KDM5C: variants seen among roughly 807,000 people sequenced by gnomAD.
KDM5C encodes lysine-specific demethylase 5C.
Under a neutral mutation model 110.6 loss-of-function variants are expected in KDM5C, and 16 were observed. The observed-to-expected ratio is 0.14, with a 90% CI of 0.10 to 0.22. The LOEUF (loss-of-function observed/expected upper bound fraction) is 0.22, where lower values mean the gene tolerates loss of function less well. Ranked by LOEUF, KDM5C falls within the 10% of genes least tolerant of loss-of-function variation. KDM5C has a pLI of 1.00. For synonymous variants in KDM5C, 511 were observed against 520.4 expected, an observed-to-expected ratio of 0.98 and a Z score of 0.24; for missense variants, 681 against 1,300.9, an observed-to-expected ratio of 0.52 and a Z score of 7.33.
Position 53,224,812 on chromosome X carries a change from G to A in KDM5C, c.78C>T (p.Asp26=). Residue 26 remains aspartate (D), a synonymous_variant, in exon 1 of 26, where the codon GAC becomes GAT. Transcript: ENST00000375401. ...TGATTTTCGCGATGTAGCCAAGAGGGTCTCGGAACTCGGCCCAGCTAGGCT... is the reference window on the plus strand; with the variant it reads ...TGATTTTCGCGATGTAGCCAAGAGGATCTCGGAACTCGGCCCAGCTAGGCT... ...VFEPSWAEFR[D]PLGYIAKIRP... is the part of the protein sequence containing the mutation. 1 of 1,211,598 alleles carries A rather than the reference G, an allele frequency of 8.3e-7. No homozygotes were observed. The highest frequency in any genetic ancestry group is 1.8e-5 in the South Asian group (1 of 56,979).
intron 25 of KDM5C, among the ~76,000 whole-genome samples, chrX:53,181,937 C>T (rs1233556325): frequency 9.2e-6 from 1 of 109,085 alleles, no homozygotes; most frequent in Non-Finnish European, 1.9e-5. Context: ...TACAGGCGCC[C>T]ACCACCACAC....
In KDM5C at chrX:53,192,873, GCCCACCCC is replaced by G; in HGVS notation, c.*86_*93del. 1 of 230,665 alleles carries G rather than the reference GCCCACCCC, an allele frequency of 4.3e-6. No individual in the cohort carries two copies. Among genetic ancestry groups the G allele is most frequent in the Non-Finnish European group, 6.3e-6 (1 of 159,364 alleles). The allele number at this position is 230,665 out of a possible 1,213,427, so 19.0% of individuals were successfully genotyped here. Reference sequence around the variant, plus strand: ...AGCAGGGATGGCCACCCCCCTACCCGCCCACCCCCCAAGAAGCAGGCTTGATGGTCAGA... The same window carrying G: ...AGCAGGGATGGCCACCCCCCTACCCGCCAAGAAGCAGGCTTGATGGTCAGA... On this transcript the variant is annotated 3_prime_UTR_variant, in exon 26 of 26. Transcript: ENST00000375401.
chrX:53,214,788 C>T lies in KDM5C; in HGVS notation c.1023G>A (p.Leu341=), dbSNP rs782365818. 36 of 1,210,361 alleles carry T rather than the reference C, an allele frequency of 3.0e-5. No homozygotes were observed. The highest frequency in any genetic ancestry group is 3.7e-5 in the Non-Finnish European group (33 of 895,196). Reference sequence around the variant, plus strand: ...GGTAGTTGTCATCACAGCCATCACACAGCAGGAGCTTGTCATCCTCATCCC... The same window carrying T: ...GGTAGTTGTCATCACAGCCATCACATAGCAGGAGCTTGTCATCCTCATCCC... The part of the protein sequence containing the change: ...SRGDEDDKLL[L]CDGCDDNYHI... The change falls in exon 8 of 26, where the codon CTG becomes CTA. Residue 341 remains leucine, a synonymous_variant. Transcript: ENST00000375401.
In KDM5C at chrX:53,194,215, G is replaced by A. The variant is rs782793591; in HGVS notation, c.3962C>T (p.Pro1321Leu). Residue 1321 changes from proline (P) to leucine (L), a missense_variant, in exon 23 of 26, where the codon CCT becomes CTT. Physicochemically the swap from Pro to Leu is moderately conservative, Grantham distance 98. This residue lies in a region of KDM5C where 88 missense variants were observed against 85.6 expected (regional missense o/e 1.03). Transcript: ENST00000375401. ...LRQRLQAEPR[P>L]EEPPNYPAAP... ...TGCAGGGTAGTTAGGAGGCTCCTCA[G>A]GTCTAGGTTCAGCCTGTAGCCGTTG... The A allele has an allele frequency of 6.6e-6, 8 of 1,210,344 alleles. No homozygotes were observed. Among genetic ancestry groups the A allele is most frequent in the Non-Finnish European group, 8.9e-6 (8 of 895,015 alleles).
chrX:53,214,761 G>A lies in KDM5C; in HGVS notation c.1050C>T (p.His350=), dbSNP rs1569277258. The change falls in exon 8 of 26, where the codon CAC becomes CAT. Residue 350 remains histidine (H), a synonymous_variant. Coordinates refer to ENST00000375401, the MANE Select transcript of KDM5C (RefSeq NM_004187.5). ...LLCDGCDDNY[H]IFCLLPPLPE... is the part of the protein sequence containing the mutation. ...GCAGAGGAGGCAGCAGGCAGAAGAT[G>A]TGGTAGTTGTCATCACAGCCATCAC... The A allele has an allele frequency of 1.7e-6, 2 of 1,211,740 alleles. No homozygotes were observed. The highest frequency in any genetic ancestry group is 2.2e-6 in the Non-Finnish European group (2 of 895,323).
In KDM5C at chrX:53,206,863, CAAAAAAAAAAAA is replaced by C. The variant is rs58880985; in HGVS notation, c.1746+3539_1746+3550del. Reference sequence around the variant, plus strand: ...AGGGCAACAGAGCAAGATTCCTTCTCAAAAAAAAAAAAAAAAAAAAAAAAAAAAAAATCAAGC... The same window carrying C: ...AGGGCAACAGAGCAAGATTCCTTCTCAAAAAAAAAAAAAAAAAAATCAAGC... On this transcript the variant is annotated intron_variant, in intron 12 of 25. Coordinates refer to ENST00000375401, the MANE Select transcript of KDM5C (RefSeq NM_004187.5). Among the ~76,000 whole-genome samples the C allele has an allele frequency of 6.7e-4, 15 of 22,344 alleles. No homozygotes were observed. In the East Asian group the frequency reaches 9.4e-3, roughly 14 times the overall value. The allele number at this position is 22,344 out of a possible 115,157, so 19.4% of individuals were successfully genotyped here. A position where few individuals can be genotyped will look rare whatever the true frequency, so the allele number is the denominator to read the frequency against.
intron 25 of KDM5C, among the ~76,000 whole-genome samples, chrX:53,184,461 C>T (rs940116404): frequency 1.5e-4 from 17 of 110,982 alleles, no homozygotes; most frequent in Non-Finnish European, 3.0e-4. Flanking sequence ...AAGCTGGTCT[C>T]GAACTCCTGG....
At chrX:53,178,441 A>G (rs1274751164) in intron 25 of KDM5C, among the ~76,000 whole-genome samples, 1 of 112,296 alleles carries the variant, frequency 8.9e-6, no homozygotes, top group African/African-American at 3.2e-5. Flanking sequence ...AATAGGTAGC[A>G]TATTTTGACC....
chrX:53,224,874 C>T lies in KDM5C; in HGVS notation c.16G>A (p.Asp6Asn), dbSNP rs782331583. The stretch of plus-strand genomic sequence containing the variant: ...CACTCCGGTGGCGGTAGGAAATCGT[C>T]GGACCCCGGCTCCATGGTGGGCCCG... The part of the protein sequence containing the change: MEPGS[D>N]DFLPPPECPV... Residue 6 changes from aspartate to asparagine, a missense_variant, in exon 1 of 26, where the codon GAC becomes AAC. Transcript: ENST00000375401. 2 of 1,207,209 alleles carry T rather than the reference C, an allele frequency of 1.7e-6. No individual in the cohort carries two copies. Among genetic ancestry groups the T allele is most frequent in the Admixed American group, 4.4e-5 (2 of 45,912 alleles).
intron 14 of KDM5C, chrX:53,201,165 T>C (rs1159586709): frequency 9.3e-6 from 2 of 215,694 alleles, no homozygotes; most frequent in African/African-American, 5.7e-5. Flanking sequence ...TCAAGTAACT[T>C]GATACAGTCA....
At position 53,224,990 on chromosome X, in the gene KDM5C, G is replaced by A; in HGVS notation, c.-101C>T. ...AAGCCGAGGCAATGCTCGGAGGCTAGGCCCTAAGCGGGGCAGCCGCCGCCC... is the reference window on the plus strand; with the variant it reads ...AAGCCGAGGCAATGCTCGGAGGCTAAGCCCTAAGCGGGGCAGCCGCCGCCC... On this transcript the variant is annotated 5_prime_UTR_variant, in exon 1 of 26. Transcript: ENST00000375401. 2.0e-6 allele frequency: 2 copies of A among 1,016,996 alleles called. No individual in the cohort carries two copies. Among genetic ancestry groups the A allele is most frequent in the Non-Finnish European group, 1.3e-6 (1 of 772,985 alleles). 83.8% of individuals were successfully genotyped at this position (1,016,996 alleles called of 1,213,427 possible). A position where few individuals can be genotyped will look rare whatever the true frequency, so the allele number is the denominator to read the frequency against.
intron 14 of KDM5C, among the ~76,000 whole-genome samples, chrX:53,200,650 G>A (rs1440278247): frequency 8.9e-6 from 1 of 111,823 alleles, no homozygotes; most frequent in Admixed American, 9.5e-5. Flanking sequence ...ACACTCACAG[G>A]AAAGCTATAA....
At chrX:53,215,466 T>C (rs1556851311) in intron 7 of KDM5C, among the ~76,000 whole-genome samples, 3 of 111,297 alleles carry the variant, frequency 2.7e-5, no homozygotes, top group African/African-American at 9.8e-5. Flanking sequence ...AGGAGTGAGG[T>C]GGGCAGTGCT....
At chrX:53,183,027 C>T (rs1556826775) in intron 25 of KDM5C, among the ~76,000 whole-genome samples, 1 of 110,745 alleles carries the variant, frequency 9.0e-6, no homozygotes, top group East Asian at 2.8e-4. Context: ...GTGAATTAGG[C>T]ATCCAACTTC....
intron 2 of KDM5C, among the ~76,000 whole-genome samples, chrX:53,219,696 TAGAA>T (rs2073846833): frequency 8.9e-6 from 1 of 112,332 alleles, no homozygotes; most frequent in Non-Finnish European, 1.9e-5. Context: ...GGTCTATTTG[TAGAA>T]AGAAACAACC....
chrX:53,225,026 T>TA lies in KDM5C; in HGVS notation c.-138dup. 1.3e-6 allele frequency: 1 copy of TA among 755,142 alleles called. No individual in the cohort carries two copies. The highest frequency in any genetic ancestry group is 1.9e-6 in the Non-Finnish European group (1 of 538,743). 62.2% of individuals were successfully genotyped at this position (755,142 alleles called of 1,213,427 possible). On this transcript the variant is annotated 5_prime_UTR_variant, in exon 1 of 26. Transcript: ENST00000375401. Reference sequence around the variant, plus strand: ...GGGCAGCCGCCGCCCGCCGAGGGCCTAAGGGGGCGTGTGGCCGTCGTGCTC... The same window carrying TA: ...GGGCAGCCGCCGCCCGCCGAGGGCCTAAAGGGGGCGTGTGGCCGTCGTGCTC...
chrX:53,211,008 C>G, intron 10 of KDM5C, 151 bp from the exon 11 acceptor site: 1 of 527,111 alleles, frequency 1.9e-6, no homozygotes, highest in South Asian at 2.8e-5. Context: ...CTCCCTACCT[C>G]TCCACCAAAA....
At position 53,220,934 on chromosome X, in the gene KDM5C, G is replaced by T. The variant is rs782810801; in HGVS notation, c.151-18C>A. 1 of 1,178,188 alleles carries T rather than the reference G, an allele frequency of 8.5e-7. No homozygotes were observed. The highest frequency in any genetic ancestry group is 1.8e-5 in the African/African-American group (1 of 56,219). Reference sequence around the variant, plus strand: ...TGCCAGTCCTGAGAGGGTAGAGAGGGGAAAGGGACTTGAGTTATCTCAGCA... The same window carrying T: ...TGCCAGTCCTGAGAGGGTAGAGAGGTGAAAGGGACTTGAGTTATCTCAGCA... On this transcript the variant is annotated intron_variant, in intron 1 of 25. Coordinates refer to ENST00000375401, the MANE Select transcript of KDM5C (RefSeq NM_004187.5).
chrX:53,218,549 A>C lies in KDM5C; in HGVS notation c.229-151T>G, dbSNP rs2073811498. 6.1e-6 allele frequency: 4 copies of C among 651,984 alleles called. No homozygotes were observed. The East Asian group carries it at 1.4e-4, about 22-fold the overall frequency. The allele number at this position is 651,984 out of a possible 1,213,427, so 53.7% of individuals were successfully genotyped here. A position where few individuals can be genotyped will look rare whatever the true frequency, so the allele number is the denominator to read the frequency against. On this transcript the variant is annotated intron_variant, in intron 2 of 25. Coordinates refer to ENST00000375401, the MANE Select transcript of KDM5C (RefSeq NM_004187.5). ...ATGAACCGGATCCCAGACTCTAGGC[A>C]GTGCTTAGCCCCACCTCACTCTCAT... is the stretch of plus-strand genomic sequence containing the variant.
Sources: gnomAD v4.1 joint callset for allele counts (sites outside exome capture counted in the v4.1 genomes callset) on GRCh38, gnomAD v4.1.1 for gene constraint, gnomAD v4.1.1 regional missense constraint, MANE v1.5 for transcripts, NCBI Gene and HGNC (gene_info 2026-07-23, HGNC 2026-07-21) for gene names.